PLEKHM3: variants seen among roughly 807,000 people sequenced by gnomAD.
The protein encoded by PLEKHM3 is pleckstrin homology domain-containing family M member 3.
In PLEKHM3, 45 loss-of-function variants were observed where a neutral mutation model predicts 81.8. The observed-to-expected ratio is 0.55, with a 90% confidence interval of 0.43 to 0.71. PLEKHM3 has a LOEUF of 0.71. Ranked by LOEUF, PLEKHM3 falls within the 30% of genes least tolerant of loss-of-function variation. PLEKHM3 has a pLI of 0.00. For missense variants in PLEKHM3, 788 were observed against 924.3 expected (o/e 0.85, Z 1.91); for synonymous variants, 352 against 356.4 (o/e 0.99, Z 0.14).
chr2:207,828,619 G>T, intron 7 of PLEKHM3, 123 bp from the exon 8 acceptor site: 1 of 874,196 alleles, frequency 1.1e-6, no homozygotes, highest in Non-Finnish European at 1.7e-6. Flanking sequence ...CCTGCCAATG[G>T]GAAGGGAGAT....
rs1326189637 is a variant in PLEKHM3 at position 207,826,686 on chromosome 2, G to C, written c.*1633C>G. Reference sequence around the variant, plus strand: ...TGGAAGTATCATGAGTTGGGGTCTTGGGGAAGCGGCGTGTGGGGGAAAGGA... The same window carrying C: ...TGGAAGTATCATGAGTTGGGGTCTTCGGGAAGCGGCGTGTGGGGGAAAGGA... On this transcript the variant is annotated 3_prime_UTR_variant, in exon 8 of 8. Coordinates refer to ENST00000427836, the MANE Select transcript of PLEKHM3 (RefSeq NM_001080475.3). 6.6e-6 allele frequency: 1 copy of C among 152,144 alleles called. No homozygotes were observed. The highest frequency in any genetic ancestry group is 6.5e-5 in the Admixed American group (1 of 15,272). The allele number at this position is 152,144 out of a possible 1,614,324, so 9.4% of individuals were successfully genotyped here. A position where few individuals can be genotyped will look rare whatever the true frequency, so the allele number is the denominator to read the frequency against.
chr2:208,022,324 A>G (rs1289605889), intron 1 of PLEKHM3, among the ~76,000 whole-genome samples: 1 of 152,230 alleles, frequency 6.6e-6, no homozygotes, highest in African/African-American at 2.4e-5. Context: ...TAAGTAGCTT[A>G]AAACAACACC....
At chr2:207,945,807 A>C (rs1298386072) in intron 4 of PLEKHM3, among the ~76,000 whole-genome samples, 3 of 152,106 alleles carry the variant, frequency 2.0e-5, no homozygotes, top group Non-Finnish European at 4.4e-5. Context: ...AGGTTGAGGC[A>C]CAAGAATCAC....
intron 7 of PLEKHM3, among the ~76,000 whole-genome samples, chr2:207,839,166 A>C (rs936166855): frequency 1.3e-5 from 2 of 152,198 alleles, no homozygotes; most frequent in Admixed American, 1.3e-4. Context: ...AATGGGACTC[A>C]CTTGTATTTA....
At chr2:207,927,830 AAAAAG>A (rs1387304242) in intron 5 of PLEKHM3, among the ~76,000 whole-genome samples, 2 of 152,212 alleles carry the variant, frequency 1.3e-5, no homozygotes, top group African/African-American at 2.4e-5. Context: ...ACTCCGTCTC[AAAAAG>A]AAAAGAAAGT....
At chr2:207,846,735 A>AT (rs772660957) in intron 7 of PLEKHM3, among the ~76,000 whole-genome samples, 14 of 150,076 alleles carry the variant, frequency 9.3e-5, no homozygotes, top group East Asian at 5.9e-4. Flanking sequence ...AAAAAAAAAA[A>AT]TTTTTTTTTT....
intron 6 of PLEKHM3, among the ~76,000 whole-genome samples, chr2:207,893,834 G>A (rs762959585): frequency 6.6e-5 from 10 of 152,148 alleles, no homozygotes; most frequent in Non-Finnish European, 1.5e-4. Flanking sequence ...CAAAAAGCAA[G>A]GCCAGGTGCA....
At position 207,824,226 on chromosome 2, in the gene PLEKHM3, A is replaced by C. The variant is rs368823442; in HGVS notation, c.*4093T>G. 1 of 152,220 alleles carries C rather than the reference A, an allele frequency of 6.6e-6. No individual in the cohort carries two copies. Among genetic ancestry groups the C allele is most frequent in the African/African-American group, 2.4e-5 (1 of 41,450 alleles). The allele number at this position is 152,220 out of a possible 1,614,324, so 9.4% of individuals were successfully genotyped here. A position where few individuals can be genotyped will look rare whatever the true frequency, so the allele number is the denominator to read the frequency against. On this transcript the variant is annotated 3_prime_UTR_variant, in exon 8 of 8. Transcript: ENST00000427836. ...TCTTTCAAGGTCTTGCTCCAACTTC[A>C]CGTTTTCACATTATTTCAGAGTAAG...
At chr2:207,895,414 T>G (rs1688191379) in intron 6 of PLEKHM3, among the ~76,000 whole-genome samples, 1 of 152,206 alleles carries the variant, frequency 6.6e-6, no homozygotes, top group Non-Finnish European at 1.5e-5. Context: ...CGTAGTTTTA[T>G]TACCCAAACT....
chr2:208,011,303 G>C (rs951414270), intron 1 of PLEKHM3, among the ~76,000 whole-genome samples: 1 of 152,124 alleles, frequency 6.6e-6, no homozygotes, highest in Non-Finnish European at 1.5e-5. Flanking sequence ...GTTTATCGTA[G>C]CACAATTTGC....
intron 2 of PLEKHM3, among the ~76,000 whole-genome samples, chr2:207,989,420 G>A (rs775869491): frequency 6.6e-5 from 10 of 152,134 alleles, no homozygotes; most frequent in South Asian, 2.1e-4. Flanking sequence ...ATTCAGAGAC[G>A]GCAGGAAGGG....
At chr2:207,834,711 C>T (rs1341837968) in intron 7 of PLEKHM3, among the ~76,000 whole-genome samples, 1 of 152,030 alleles carries the variant, frequency 6.6e-6, no homozygotes, top group Non-Finnish European at 1.5e-5. Flanking sequence ...AGGCGTGAGC[C>T]ACCGTGCCCG....
intron 7 of PLEKHM3, among the ~76,000 whole-genome samples, chr2:207,860,546 T>C (rs2092462145): frequency 6.6e-6 from 1 of 152,204 alleles, no homozygotes; most frequent in Non-Finnish European, 1.5e-5. Flanking sequence ...CATCAATCCA[T>C]GGATGTGATG....
At chr2:207,913,304 G>A (rs919778602) in intron 5 of PLEKHM3, among the ~76,000 whole-genome samples, 6 of 152,020 alleles carry the variant, frequency 3.9e-5, no homozygotes, top group Non-Finnish European at 8.8e-5. Context: ...ATAGTCCAGG[G>A]GGGCACATGC....
chr2:207,912,037 C>T (rs1052439513), intron 5 of PLEKHM3, among the ~76,000 whole-genome samples: 4 of 152,216 alleles, frequency 2.6e-5, no homozygotes, highest in African/African-American at 9.6e-5. Context: ...TCAGTTATCA[C>T]ATAGTCAACA....
intron 7 of PLEKHM3, among the ~76,000 whole-genome samples, chr2:207,850,084 G>A (rs1255285201): frequency 6.6e-6 from 1 of 152,140 alleles, no homozygotes; most frequent in East Asian, 1.9e-4. Flanking sequence ...AACACAGGAG[G>A]CAACTCGCTT....
chr2:207,868,509 G>GCT (rs1341611375), intron 6 of PLEKHM3: 1 of 152,198 alleles, frequency 6.6e-6, no homozygotes, highest in African/African-American at 2.4e-5. Flanking sequence ...CCAGCTGTGA[G>GCT]ACTTTGGCAA....
intron 6 of PLEKHM3, among the ~76,000 whole-genome samples, chr2:207,895,324 T>C (rs1167902416): frequency 1.3e-5 from 2 of 152,166 alleles, no homozygotes; most frequent in Admixed American, 6.5e-5. Context: ...TGTCAGCATA[T>C]CTGCCTGTCT....
At chr2:207,911,303 T>A (rs1688803262) in intron 5 of PLEKHM3, among the ~76,000 whole-genome samples, 1 of 152,250 alleles carries the variant, frequency 6.6e-6, no homozygotes, top group South Asian at 2.1e-4. Context: ...TTGAAAACTA[T>A]GTTTTTGAAA....
Sources: allele counts gnomAD v4.1 joint callset (sites outside exome capture counted in the v4.1 genomes callset), GRCh38; gene constraint gnomAD v4.1.1; transcripts MANE v1.5; gene names NCBI Gene and HGNC (gene_info 2026-07-23, HGNC 2026-07-21).